Variants in MYO5A observed in about 807,000 individuals in gnomAD.
MYO5A encodes unconventional myosin-Va.
In MYO5A, 98 loss-of-function variants were observed where a neutral mutation model predicts 249.7. That is an observed-to-expected ratio of 0.39 (90% CI 0.33 to 0.46). MYO5A has a LOEUF of 0.46. Ranked by LOEUF, MYO5A falls within the 20% of genes least tolerant of loss-of-function variation. The pLI is 0.98. For synonymous variants in MYO5A, 778 were observed against 810.6 expected, an observed-to-expected ratio of 0.96 and a Z score of 0.68; for missense variants, 1,696 against 2,308.8, an observed-to-expected ratio of 0.73 and a Z score of 5.44.
intron 11 of MYO5A, among the ~76,000 whole-genome samples, chr15:52,394,613 A>C (rs1216632618): frequency 6.6e-6 from 1 of 152,154 alleles, no homozygotes; most frequent in Non-Finnish European, 1.5e-5. Flanking sequence ...GAGAAGGAGA[A>C]ACAGGTGGAT....
Position 52,428,545 on chromosome 15 carries a change from T to C in MYO5A, c.163A>G (p.Lys55Glu), listed in dbSNP as rs767997640. The C allele has an allele frequency of 1.9e-6, 3 of 1,614,078 alleles. No individual in the cohort carries two copies. In the African/African-American group the frequency reaches 4.0e-5, roughly 22 times the overall value. ...GKDLEYHLDPKTKELPHLRNP... is the reference protein window; with the variant it reads ...GKDLEYHLDPETKELPHLRNP... The stretch of plus-strand genomic sequence containing the variant: ...CGTAAGTGAGGCAGCTCCTTGGTCT[T>C]TGGATCTAGATGGTATTCCAAATCC... The change falls in exon 3 of 42, where the codon AAG (lysine) becomes GAG (glutamate). Residue 55 changes from lysine to glutamate, a missense_variant. Physicochemically the swap from Lys to Glu is moderately conservative, Grantham distance 56. Transcript: ENST00000399233.
rs2037759894 is a variant in MYO5A, at chr15:52,311,189, G to A, written c.*2507C>T. On this transcript the variant is annotated 3_prime_UTR_variant, in exon 42 of 42. Transcript: ENST00000399233. ...CCGGAGTAAAAAAAAGGGCTGCATG[G>A]CAGTGACAGCTACAGCATGACCTGG... 6.6e-6 allele frequency: 1 copy of A among 152,330 alleles called. No homozygotes were observed. Among genetic ancestry groups the A allele is most frequent in the Non-Finnish European group, 1.5e-5 (1 of 68,134 alleles). 9.4% of individuals were successfully genotyped at this position (152,330 alleles called of 1,614,324 possible). A position where few individuals can be genotyped will look rare whatever the true frequency, so the allele number is the denominator to read the frequency against.
At chr15:52,346,627 G>C in intron 29 of MYO5A, 166 bp from the exon 30 acceptor site, 1 of 693,232 alleles carries the variant, frequency 1.4e-6, no homozygotes, top group Non-Finnish European at 2.6e-6. Context: ...GGGGAGTTTG[G>C]CCCAGGTAGT....
At chr15:52,527,086 C>T (rs1408067046) in intron 1 of MYO5A, among the ~76,000 whole-genome samples, 4 of 152,160 alleles carry the variant, frequency 2.6e-5, no homozygotes, top group Non-Finnish European at 5.9e-5. Flanking sequence ...TGTTGGGGCA[C>T]ATTCAAAGCC....
chr15:52,347,179 C>T (rs1410988329), intron 29 of MYO5A, among the ~76,000 whole-genome samples: 1 of 152,076 alleles, frequency 6.6e-6, no homozygotes, highest in African/African-American at 2.4e-5. Context: ...GTCTGACAAG[C>T]AATGTAATTT....
chr15:52,333,181 T>C (rs1489845476), intron 34 of MYO5A, among the ~76,000 whole-genome samples: 1 of 147,454 alleles, frequency 6.8e-6, no homozygotes, highest in African/African-American at 2.5e-5. Context: ...CAGTCTCAAG[T>C]ACTTTGTTAT....
Position 52,353,626 on chromosome 15 carries a change from T to C in MYO5A, c.3600A>G (p.Glu1200=), listed in dbSNP as rs781543938. The change falls in exon 27 of 42, where the codon GAA becomes GAG. Residue 1200 remains glutamate (E), a synonymous_variant. Coordinates refer to ENST00000399233, the MANE Select transcript of MYO5A (RefSeq NM_001382347.1). ...EEERPQIRGA[E]LEYESLKRQE... ...TTACCTTGAGTGACTCATATTCCAG[T>C]TCTGCACCTCTAATTTGTGGTCTTT... 3 of 1,614,082 alleles carry C rather than the reference T, an allele frequency of 1.9e-6. No individual in the cohort carries two copies. Among genetic ancestry groups the C allele is most frequent in the East Asian group, 2.2e-5 (1 of 44,888 alleles).
At chr15:52,338,160 T>C (rs1241809534) in intron 32 of MYO5A, among the ~76,000 whole-genome samples, 1 of 148,698 alleles carries the variant, frequency 6.7e-6, no homozygotes, top group East Asian at 2.0e-4. Context: ...GTCATTTCCC[T>C]CCTCCAACCT....
intron 31 of MYO5A, among the ~76,000 whole-genome samples, chr15:52,341,387 C>T (rs1022402163): frequency 3.3e-5 from 5 of 152,160 alleles, no homozygotes; most frequent in Non-Finnish European, 5.9e-5. Flanking sequence ...ATTAATAGGA[C>T]CAAAAAAGTG....
chr15:52,515,069 G>A (rs1438827881), intron 1 of MYO5A, among the ~76,000 whole-genome samples: 2 of 152,092 alleles, frequency 1.3e-5, no homozygotes, highest in East Asian at 1.9e-4. Context: ...CTTGAGCCCA[G>A]GAGTTCAAGA....
chr15:52,368,642 C>T (rs1220293061), intron 22 of MYO5A, among the ~76,000 whole-genome samples: 2 of 152,210 alleles, frequency 1.3e-5, no homozygotes, highest in Non-Finnish European at 2.9e-5. Context: ...CAGTGGCTCA[C>T]ACCTGTAAAC....
intron 1 of MYO5A, among the ~76,000 whole-genome samples, chr15:52,466,575 C>A (rs2076358393): frequency 1.3e-5 from 2 of 152,192 alleles, no homozygotes; most frequent in Admixed American, 1.3e-4. Context: ...TGTCTGCCAG[C>A]CAAGGCTGTG....
chr15:52,341,218 T>C (rs536359662), intron 31 of MYO5A, among the ~76,000 whole-genome samples: 5 of 152,292 alleles, frequency 3.3e-5, no homozygotes, highest in African/African-American at 1.2e-4. Context: ...ACAGAAAGGC[T>C]GGAACACCAC....
At chr15:52,327,204 G>A (rs753343842) in intron 36 of MYO5A, among the ~76,000 whole-genome samples, 7 of 152,080 alleles carry the variant, frequency 4.6e-5, no homozygotes, top group African/African-American at 1.7e-4. Flanking sequence ...TCAGCATCAC[G>A]TTCCCTGTAT....
intron 1 of MYO5A, chr15:52,506,012 G>A (rs1489221868): frequency 1.8e-5 from 12 of 668,550 alleles, no homozygotes; most frequent in East Asian, 2.9e-5. Context: ...TCAGGAGTTC[G>A]AGACCAGCCT....
chr15:52,466,868 G>C (rs1299679762), intron 1 of MYO5A, among the ~76,000 whole-genome samples: 2 of 152,176 alleles, frequency 1.3e-5, no homozygotes, highest in Non-Finnish European at 2.9e-5. Flanking sequence ...CAGCACTTGA[G>C]AAAGAGAAGA....
chr15:52,377,846 A>C (rs1463186608), intron 18 of MYO5A, among the ~76,000 whole-genome samples: 2 of 152,126 alleles, frequency 1.3e-5, no homozygotes, highest in Non-Finnish European at 2.9e-5. Context: ...GCTGGGATTA[A>C]GGGCGTGAGC....
Position 52,405,364 on chromosome 15 carries a change from A to C in MYO5A, c.976T>G (p.Phe326Val). Residue 326 changes from phenylalanine (F) to valine (V), a missense_variant, in exon 9 of 42, where the codon TTC becomes GTC. Coordinates refer to ENST00000399233, the MANE Select transcript of MYO5A (RefSeq NM_001382347.1). ...TGAAGGATGCCAGCAAGTATTCGGA[A>C]AATTCCCATTTGATGAGATTCACTA... ...GISESHQMGI[F>V]RILAGILHLG... is the part of the protein sequence containing the mutation. 6.2e-7 allele frequency: 1 copy of C among 1,613,460 alleles called. No homozygotes were observed. Among genetic ancestry groups the C allele is most frequent in the Non-Finnish European group, 8.5e-7 (1 of 1,179,428 alleles).
rs1421512400 is a variant in MYO5A at position 52,415,983 on chromosome 15, T to G, written c.612+162A>C. The G allele has an allele frequency of 3.5e-6, 3 of 860,922 alleles. No homozygotes were observed. The African/African-American group carries it at 5.1e-5, about 15-fold the overall frequency. 53.3% of individuals were successfully genotyped at this position (860,922 alleles called of 1,614,324 possible). A position where few individuals can be genotyped will look rare whatever the true frequency, so the allele number is the denominator to read the frequency against. ...ACTAAAAATGTCTACCTTACCAAGT[T>G]TTTACTTTCCCTAGATTTTTTATAA... On this transcript the variant is annotated intron_variant, in intron 5 of 41. Transcript: ENST00000399233.
Sources: allele counts gnomAD v4.1 joint callset (sites outside exome capture counted in the v4.1 genomes callset), GRCh38; gene constraint gnomAD v4.1.1; transcripts MANE v1.5; gene names NCBI Gene and HGNC (gene_info 2026-07-23, HGNC 2026-07-21).